KLC2: variants seen among roughly 807,000 people sequenced by gnomAD.
KLC2 encodes the protein kinesin light chain 2, also known as KLC 2.
A neutral mutation model predicts 75.1 loss-of-function variants in KLC2; 35 were observed. The observed-to-expected ratio is 0.47, with a 90% CI of 0.36 to 0.62. The LOEUF (loss-of-function observed/expected upper bound fraction) is 0.62. Among genes scored for constraint, KLC2 ranks in the 20% least tolerant of loss-of-function variants. KLC2 has a pLI of 0.00. For synonymous variants in KLC2, 314 were observed against 336.7 expected (o/e 0.93, Z 0.74); for missense variants, 611 against 833.2 (o/e 0.73, Z 3.28).
chr11:66,246,503 G>C, the KLC2 span, among the ~76,000 whole-genome samples: 3 of 152,040 alleles, frequency 2.0e-5, no homozygotes, highest in African/African-American at 4.8e-5. Flanking sequence ...TTCACTCCTT[G>C]AGGGCTTTTC....
chr11:66,248,713 G>A, the KLC2 span, among the ~76,000 whole-genome samples: 6 of 151,970 alleles, frequency 3.9e-5, no homozygotes, highest in South Asian at 2.1e-4. Context: ...GCCACACTAC[G>A]TTTGGTCATT....
the KLC2 span, among the ~76,000 whole-genome samples, chr11:66,247,935 G>T: frequency 6.6e-6 from 1 of 152,074 alleles, no homozygotes; most frequent in African/African-American, 2.4e-5. Flanking sequence ...CTCCTACCCC[G>T]GGCAAAGAAG....
At chr11:66,256,198 C>T (rs971265520), upstream of KLC2, among the ~76,000 whole-genome samples, 23 of 151,830 alleles carry the variant, frequency 1.5e-4, no homozygotes, top group Non-Finnish European at 1.3e-4. Flanking sequence ...TGAGACCAGC[C>T]TGGGCAACAT....
At chr11:66,262,499 A>G (rs1856505413) in intron 4 of KLC2, 2 of 549,152 alleles carry the variant, frequency 3.6e-6, no homozygotes, top group Non-Finnish European at 6.5e-6. Flanking sequence ...ACATGCAGAC[A>G]GCCACAATGG....
intron 14 of KLC2, 63 bp downstream of exon 14, chr11:66,266,280 CAG>C (rs1244441887): frequency 8.4e-6 from 13 of 1,548,566 alleles, no homozygotes; most frequent in Non-Finnish European, 1.0e-5. Flanking sequence ...GCTCCTGACC[CAG>C]AGTGTGCCCC....
the KLC2 span, among the ~76,000 whole-genome samples, chr11:66,250,951 CAG>C: frequency 3.9e-5 from 6 of 152,208 alleles, no homozygotes; most frequent in East Asian, 1.9e-4. Flanking sequence ...TCCTGAGAGA[CAG>C]GGGAGCTGGC....
intron 1 of KLC2, 198 bp from the exon 2 acceptor site, chr11:66,258,386 G>A (rs1856158299): frequency 3.4e-6 from 2 of 582,476 alleles, no homozygotes; most frequent in Non-Finnish European, 6.1e-6. Flanking sequence ...CGGCTGCACC[G>A]CATTGCGTCT....
At position 66,267,827 on chromosome 11, in the gene KLC2, T is replaced by A. The variant is rs1856954423; in HGVS notation, c.*871T>A. ...AGGCGGCTGCTCTCATATTTTCAGA[T>A]GTTGCTGTAGAAATAAAGACGGTTT... On this transcript the variant is annotated 3_prime_UTR_variant, in exon 16 of 16. Transcript: ENST00000394067. 2 of 441,104 alleles carry A rather than the reference T, an allele frequency of 4.5e-6. No individual in the cohort carries two copies. Among genetic ancestry groups the A allele is most frequent in the Admixed American group, 8.2e-5 (2 of 24,282 alleles). 27.3% of individuals were successfully genotyped at this position (441,104 alleles called of 1,614,324 possible). A position where few individuals can be genotyped will look rare whatever the true frequency, so the allele number is the denominator to read the frequency against.
At chr11:66,262,334 C>T (rs1465799628) in intron 4 of KLC2, 142 bp downstream of exon 4, 4 of 670,014 alleles carry the variant, frequency 6.0e-6, no homozygotes, top group African/African-American at 1.8e-5. Context: ...AACAGTTGTA[C>T]GTGCTGCTGC....
At chr11:66,250,321 C>T in the KLC2 span, among the ~76,000 whole-genome samples, 2 of 152,150 alleles carry the variant, frequency 1.3e-5, no homozygotes, top group African/African-American at 4.8e-5. Flanking sequence ...CCCTGGCATG[C>T]GGCGGACCCT....
At chr11:66,256,860 C>T (rs1238902992), upstream of KLC2, among the ~76,000 whole-genome samples, 1 of 152,082 alleles carries the variant, frequency 6.6e-6, no homozygotes, top group Non-Finnish European at 1.5e-5. Flanking sequence ...TGTCTCTGGT[C>T]ACTGGGCCCT....
rs1856636419 is a variant in KLC2, at chr11:66,264,127, G to A, written c.1024G>A (p.Glu342Lys). 3 of 1,598,742 alleles carry A rather than the reference G, an allele frequency of 1.9e-6. No individual in the cohort carries two copies. The highest frequency in any genetic ancestry group is 2.6e-6 in the Non-Finnish European group (3 of 1,172,008). Residue 342 changes from glutamate (E) to lysine (K), a missense_variant, in exon 8 of 16, where the codon GAG becomes AAG. Physicochemically the swap from Glu to Lys is moderately conservative, Grantham distance 56. Transcript: ENST00000394067. The part of the protein sequence containing the change: ...LLCQNQGKAE[E>K]VEYYYRRALE... ...GTGCCAGAACCAGGGCAAAGCTGAGGAGGTGGAATATTACTATCGGCGGGC... is the reference window on the plus strand; with the variant it reads ...GTGCCAGAACCAGGGCAAAGCTGAGAAGGTGGAATATTACTATCGGCGGGC...
Position 66,267,544 on chromosome 11 carries a change from G to C in KLC2, c.*588G>C. 1 of 647,352 alleles carries C rather than the reference G, an allele frequency of 1.5e-6. No homozygotes were observed. Among genetic ancestry groups the C allele is most frequent in the East Asian group, 2.7e-5 (1 of 36,626 alleles). The allele number at this position is 647,352 out of a possible 1,614,324, so 40.1% of individuals were successfully genotyped here. On this transcript the variant is annotated 3_prime_UTR_variant, in exon 16 of 16. Transcript: ENST00000394067. The stretch of plus-strand genomic sequence containing the variant: ...CTCGCGCTCCTCCTGGCCTCTGAGG[G>C]ATGCGTCCTACCCGCGCCATCGCCC...
chr11:66,262,658 G>A (rs1314806881), intron 4 of KLC2, 156 bp from the exon 5 acceptor site: 12 of 620,558 alleles, frequency 1.9e-5, no homozygotes, highest in Non-Finnish European at 2.9e-5. Flanking sequence ...TTTCTATGGG[G>A]TAACTAGACC....
chr11:66,266,348 T>TACCAAC, intron 14 of KLC2, 85 bp from the exon 15 acceptor site: 3 of 1,487,622 alleles, frequency 2.0e-6, no homozygotes, highest in Non-Finnish European at 2.8e-6. Context: ...ACCAGTCTGT[T>TACCAAC]CCCTCCCCAG....
upstream of KLC2, among the ~76,000 whole-genome samples, chr11:66,252,446 G>A (rs1348544562): frequency 1.2e-5 from 1 of 83,606 alleles, no homozygotes; most frequent in Non-Finnish European, 3.4e-5. Context: ...TGTATTTTTA[G>A]TAGAGACGGG....
At chr11:66,266,537 T>C (rs749708190) in intron 15 of KLC2, 47 bp downstream of exon 15, 2 of 1,540,038 alleles carry the variant, frequency 1.3e-6, no homozygotes, top group African/African-American at 2.7e-5. Flanking sequence ...CGGCCGGGGC[T>C]GCATGCGTGC....
chr11:66,256,052 C>T (rs140557120), upstream of KLC2, among the ~76,000 whole-genome samples: 573 of 152,176 alleles, frequency 3.8e-3, 5 homozygotes, highest in African/African-American at 0.013. Context: ...AGGTGTGAGC[C>T]ACTGAGCCCA....
intron 5 of KLC2, 49 bp downstream of exon 5, chr11:66,263,085 T>C: frequency 1.4e-6 from 2 of 1,403,260 alleles, no homozygotes; most frequent in East Asian, 2.3e-5. Context: ...GCTCCAGCCC[T>C]GGATCACTAA....
Sources: allele counts gnomAD v4.1 joint callset (sites outside exome capture counted in the v4.1 genomes callset), GRCh38; gene constraint gnomAD v4.1.1; transcripts MANE v1.5; gene names NCBI Gene and HGNC (gene_info 2026-07-23, HGNC 2026-07-21).